FZR1: variants seen among roughly 807,000 people sequenced by gnomAD.
FZR1 encodes the protein fizzy and cell division cycle 20 related 1, also known as fizzy-related protein homolog.
FZR1 carries 11 observed loss-of-function variants against 63.6 expected under a neutral mutation model. The observed-to-expected ratio is 0.17, with a 90% CI of 0.11 to 0.29. The LOEUF (loss-of-function observed/expected upper bound fraction) is 0.29, where lower values mean the gene tolerates loss of function less well. Among genes scored for constraint, FZR1 ranks in the 10% least tolerant of loss-of-function variants. The pLI is 1.00. For missense variants in FZR1, 440 were observed against 687.5 expected (o/e 0.64, Z 4.03); for synonymous variants, 328 against 297.9 (o/e 1.10, Z -1.04).
chr19:3,519,327 C>G (rs991506257), intron 1 of FZR1, among the ~76,000 whole-genome samples: 1 of 152,258 alleles, frequency 6.6e-6, no homozygotes, highest in Non-Finnish European at 1.5e-5. Flanking sequence ...CTGCGGCAGC[C>G]GCGTCTACGT....
chr19:3,507,817 C>T (rs2082996289), intron 1 of FZR1, among the ~76,000 whole-genome samples: 1 of 152,250 alleles, frequency 6.6e-6, no homozygotes. Context: ...CGTGGGCCTC[C>T]TCCTGTGTCA....
At chr19:3,510,158 A>G (rs902903358) in intron 1 of FZR1, among the ~76,000 whole-genome samples, 1 of 151,612 alleles carries the variant, frequency 6.6e-6, no homozygotes, top group Non-Finnish European at 1.5e-5. Flanking sequence ...CCTTTTTGAG[A>G]TGGAGTCTCA....
Position 3,525,853 on chromosome 19 carries a change from G to A in FZR1, c.70-15G>A, listed in dbSNP as rs1200177587. On this transcript the variant is annotated splice_polypyrimidine_tract_variant and intron_variant, in intron 2 of 13. Transcript: ENST00000441788. The surrounding 1 kb of genome is among the most constrained non-coding windows in gnomAD (Gnocchi z 4.2). ...TCTCGGTGCTGAGAGCAAGCCCTCT[G>A]CTGATGCCCTTCAGGTCACAGAGAT... is the stretch of plus-strand genomic sequence containing the variant. 3.1e-6 allele frequency: 5 copies of A among 1,609,384 alleles called. No individual in the cohort carries two copies. Among genetic ancestry groups the A allele is most frequent in the Non-Finnish European group, 4.2e-6 (5 of 1,179,728 alleles).
intron 2 of FZR1, among the ~76,000 whole-genome samples, chr19:3,523,473 C>T (rs553768342): frequency 4.6e-5 from 7 of 152,340 alleles, no homozygotes; most frequent in Non-Finnish European, 1.0e-4. Flanking sequence ...TTTGCCTTGC[C>T]CTGGGCTCCA....
rs2083049629 is a variant in FZR1, at chr19:3,515,122, C to G, written c.-34-7834C>G. Among the ~76,000 whole-genome samples the G allele has an allele frequency of 6.6e-6, 1 of 152,168 alleles. No homozygotes were observed. ...CACACAGGCAGAGCCACAGCAGCATCCCCACTAGGCACCCCCGGGCCAGGG... is the reference window on the plus strand; with the variant it reads ...CACACAGGCAGAGCCACAGCAGCATGCCCACTAGGCACCCCCGGGCCAGGG... On this transcript the variant is annotated intron_variant, in intron 1 of 13. Coordinates refer to ENST00000441788, the MANE Select transcript of FZR1 (RefSeq NM_016263.4). The surrounding 1 kb of genome is among the most constrained non-coding windows in gnomAD (Gnocchi z 4.6).
Position 3,532,581 on chromosome 19 carries a change from A to C in FZR1, c.1173A>C (p.Gln391His). 6.2e-7 allele frequency: 1 copy of C among 1,612,744 alleles called. No homozygotes were observed. Among genetic ancestry groups the C allele is most frequent in the Non-Finnish European group, 8.5e-7 (1 of 1,179,838 alleles). The change falls in exon 11 of 14, where the codon CAA (glutamine) becomes CAC (histidine). Residue 391 changes from glutamine (Q) to histidine (H), a missense_variant. Physicochemically the swap from Gln to His is conservative, Grantham distance 24. This residue lies in a region of FZR1 where 208 missense variants were observed against 363.6 expected (regional missense o/e 0.57). Coordinates refer to ENST00000441788, the MANE Select transcript of FZR1 (RefSeq NM_016263.4). ...GCTTCTGGAACACGCTGACAGGACAACCACTGCAGTGTATCGACACGGGCT... is the reference window on the plus strand; with the variant it reads ...GCTTCTGGAACACGCTGACAGGACACCCACTGCAGTGTATCGACACGGGCT... Reference protein sequence around the residue: ...CIRFWNTLTGQPLQCIDTGSQ... With the variant: ...CIRFWNTLTGHPLQCIDTGSQ...
At position 3,534,528 on chromosome 19, in the gene FZR1, T is replaced by A; in HGVS notation, c.1440+15T>A. Reference sequence around the variant, plus strand: ...GTTCGACAAAGGTAAAGTGGGTCGGTATCAGCGCCACTCGCCCCCGCCCCA... The same window carrying A: ...GTTCGACAAAGGTAAAGTGGGTCGGAATCAGCGCCACTCGCCCCCGCCCCA... On this transcript the variant is annotated intron_variant, in intron 13 of 13. Transcript: ENST00000441788. 6.5e-7 allele frequency: 1 copy of A among 1,547,996 alleles called. No individual in the cohort carries two copies. Among genetic ancestry groups the A allele is most frequent in the South Asian group, 1.1e-5 (1 of 87,616 alleles).
chr19:3,515,463 G>A lies in FZR1; in HGVS notation c.-34-7493G>A, dbSNP rs1361406810. ...TTTTTTTGAATACCTCACAGTTCAC[G>A]TGATACAGAATTCTAGAAGTACAGG... On this transcript the variant is annotated intron_variant, in intron 1 of 13. Transcript: ENST00000441788. The surrounding 1 kb of genome is among the most constrained non-coding windows in gnomAD (Gnocchi z 4.6). Among the ~76,000 whole-genome samples the A allele has an allele frequency of 1.3e-5, 2 of 152,062 alleles. No homozygotes were observed. Among genetic ancestry groups the A allele is most frequent in the Admixed American group, 6.6e-5 (1 of 15,264 alleles).
At position 3,514,591 on chromosome 19, in the gene FZR1, C is replaced by T. The variant is rs1046581609; in HGVS notation, c.-35+8117C>T. Reference sequence around the variant, plus strand: ...TTCCATGGACCCCCAAGAGACTCTGCGTCCCATGATCCTCTGCCCTGCTGA... The same window carrying T: ...TTCCATGGACCCCCAAGAGACTCTGTGTCCCATGATCCTCTGCCCTGCTGA... On this transcript the variant is annotated intron_variant, in intron 1 of 13. Transcript: ENST00000441788. This position sits in a 1 kb window ranked among gnomAD's most constrained non-coding sequence, Gnocchi z 4.2. 1.2e-4 allele frequency among the ~76,000 whole-genome samples: 18 copies of T among 151,966 alleles called. No homozygotes were observed. The highest frequency in any genetic ancestry group is 8.8e-5 in the Non-Finnish European group (6 of 67,946).
intron 7 of FZR1, among the ~76,000 whole-genome samples, chr19:3,528,329 C>T (rs780068118): frequency 7.2e-5 from 11 of 152,252 alleles, no homozygotes; most frequent in Non-Finnish European, 1.3e-4. Flanking sequence ...GGGATAACGC[C>T]ATGCGAGTAG....
chr19:3,534,226 TTAAA>T (rs2083274906), intron 12 of FZR1, 191 bp from the exon 13 acceptor site: 1 of 391,126 alleles, frequency 2.6e-6, no homozygotes, highest in East Asian at 4.0e-5. Context: ...CGTCTTAAAA[TTAAA>T]AAAAAAAAAA....
intron 13 of FZR1, 134 bp from the exon 14 acceptor site, chr19:3,534,661 C>T (rs1294186538): frequency 5.5e-6 from 5 of 911,864 alleles, no homozygotes; most frequent in Admixed American, 1.9e-5. Flanking sequence ...TGTGTCGGGG[C>T]AGTGTGGCAG....
At chr19:3,530,744 T>C in intron 7 of FZR1, 48 bp from the exon 8 acceptor site, 1 of 1,452,708 alleles carries the variant, frequency 6.9e-7, no homozygotes, top group Non-Finnish European at 9.6e-7. Flanking sequence ...ATGGATAGAC[T>C]GGGGCTTCGA....
intron 7 of FZR1, among the ~76,000 whole-genome samples, chr19:3,530,435 G>GGGGAGAGCGC (rs1568238999): frequency 1.4e-5 from 1 of 73,898 alleles, no homozygotes; most frequent in South Asian, 5.1e-4. Flanking sequence ...TGGGAGAGCG[G>GGGGAGAGCGC]ATGGGAGAGC....
chr19:3,510,157 G>A (rs2083014543), intron 1 of FZR1, among the ~76,000 whole-genome samples: 1 of 151,910 alleles, frequency 6.6e-6, no homozygotes, highest in Admixed American at 6.6e-5. Flanking sequence ...TCCTTTTTGA[G>A]ATGGAGTCTC....
chr19:3,509,054 G>A (rs907598138), intron 1 of FZR1, among the ~76,000 whole-genome samples: 1 of 152,204 alleles, frequency 6.6e-6, no homozygotes, highest in Non-Finnish European at 1.5e-5. Context: ...TTCTGCCCCC[G>A]ACACCTCCCT....
At position 3,526,950 on chromosome 19, in the gene FZR1, C is replaced by T. The variant is rs200355036; in HGVS notation, c.388-30C>T. ...CTGAGGGTCCTGCGGCCTGGGCGTG[C>T]GCTCAGCTGGCATGTCCCCCGCTCC... On this transcript the variant is annotated intron_variant, in intron 5 of 13. Transcript: ENST00000441788. This position sits in a 1 kb window ranked among gnomAD's most constrained non-coding sequence, Gnocchi z 5.4. The T allele has an allele frequency of 6.1e-5, 95 of 1,547,272 alleles. No homozygotes were observed. The African/African-American group carries it at 7.9e-4, about 13-fold the overall frequency.
In FZR1 at chr19:3,526,778, T is replaced by G. The variant is rs1325989052; in HGVS notation, c.388-202T>G. 1.0e-4 allele frequency among the ~76,000 whole-genome samples: 14 copies of G among 139,218 alleles called. No homozygotes were observed. The highest frequency in any genetic ancestry group is 6.3e-5 in the Non-Finnish European group (4 of 63,638). The allele number at this position is 139,218 out of a possible 152,430, so 91.3% of individuals were successfully genotyped here. On this transcript the variant is annotated intron_variant, in intron 5 of 13. Transcript: ENST00000441788. This position sits in a 1 kb window ranked among gnomAD's most constrained non-coding sequence, Gnocchi z 5.4. ...AGGCAGGATCACACGGAGCCTGGCT[T>G]GGGTCCCTCGAGAGAGGGCGGGAGG...
rs1325194255 is a variant in FZR1, at chr19:3,526,428, G to A, written c.387+42G>A. 6.0e-6 allele frequency: 9 copies of A among 1,506,774 alleles called. No individual in the cohort carries two copies. The highest frequency in any genetic ancestry group is 2.3e-4 in the Middle Eastern group (1 of 4,330). The allele number at this position is 1,506,774 out of a possible 1,614,324, so 93.3% of individuals were successfully genotyped here. A position where few individuals can be genotyped will look rare whatever the true frequency, so the allele number is the denominator to read the frequency against. ...CCCCACCCGGGAGCTGGCTCCCAGT[G>A]CAGCCTCCCCGGCCCCCCACCTCCC... On this transcript the variant is annotated intron_variant, in intron 5 of 13. Coordinates refer to ENST00000441788, the MANE Select transcript of FZR1 (RefSeq NM_016263.4). The surrounding 1 kb of genome is among the most constrained non-coding windows in gnomAD (Gnocchi z 5.4).
Sources: gnomAD v4.1 joint callset for allele counts (sites outside exome capture counted in the v4.1 genomes callset) on GRCh38, gnomAD v4.1.1 for gene constraint, gnomAD v4.1.1 regional missense constraint, Gnocchi (gnomAD v3.1) non-coding constraint, MANE v1.5 for transcripts, NCBI Gene and HGNC (gene_info 2026-07-23, HGNC 2026-07-21) for gene names.